The following KIF24 variants were observed in gnomAD, a reference collection of about 807,000 sequenced individuals.
The protein encoded by KIF24 is kinesin family member 24.
In KIF24, 81 loss-of-function variants were observed where a neutral mutation model predicts 118.9. The observed-to-expected ratio is 0.68, with a 90% CI of 0.57 to 0.82. The LOEUF (loss-of-function observed/expected upper bound fraction) is 0.82. Among genes scored for constraint, KIF24 ranks in the 40% least tolerant of loss-of-function variants. The probability of loss-of-function intolerance (pLI) is 0.00; values close to 1 mark genes in which losing one functional copy is unlikely to be tolerated. For missense variants in KIF24, 1,560 were observed against 1,661.6 expected (o/e 0.94, Z 1.06); for synonymous variants, 599 against 610.0 (o/e 0.98, Z 0.27).
rs1378308816 is a variant in KIF24 at position 34,257,241 on chromosome 9, G to T, written c.2366C>A (p.Ser789Tyr). The T allele has an allele frequency of 6.2e-7, 1 of 1,614,048 alleles. No individual in the cohort carries two copies. Among genetic ancestry groups the T allele is most frequent in the Non-Finnish European group, 8.5e-7 (1 of 1,179,900 alleles). The part of the protein sequence containing the change: ...QKLKYQPLKR[S>Y]LRQYRPPEGQ... ...CTCTGGGGGCCTGTACTGGCGTAAA[G>T]ACCTTTTCAGTGGTTGGTATTTTAA... The change falls in exon 11 of 13, where the codon TCT (serine) becomes TAT (tyrosine). Residue 789 changes from serine to tyrosine, a missense_variant. By Grantham distance (144) the Ser-to-Tyr change is moderately radical. This residue lies in a region of KIF24 where 964 missense variants were observed against 988.0 expected (regional missense o/e 0.98). Coordinates refer to ENST00000402558, the MANE Select transcript of KIF24 (RefSeq NM_194313.4).
At chr9:34,295,893 C>T (rs529833673) in intron 4 of KIF24, among the ~76,000 whole-genome samples, 1 of 152,006 alleles carries the variant, frequency 6.6e-6, no homozygotes, top group South Asian at 2.1e-4. Flanking sequence ...ATTCCTGTCC[C>T]ATTCAACGTT....
At chr9:34,301,097 G>A (rs1836689154) in intron 3 of KIF24, among the ~76,000 whole-genome samples, 1 of 152,098 alleles carries the variant, frequency 6.6e-6, no homozygotes, top group Non-Finnish European at 1.5e-5. Context: ...TTTCATGAAA[G>A]ATATGTAAAC....
In KIF24 at chr9:34,306,301, A is replaced by C. The variant is rs774856653; in HGVS notation, c.764T>G (p.Leu255Arg). 6 of 1,611,044 alleles carry C rather than the reference A, an allele frequency of 3.7e-6. No homozygotes were observed. The South Asian group carries it at 6.6e-5, about 18-fold the overall frequency. Reference sequence around the variant, plus strand: ...AACTGCTTCTTTCTTCTCATGCACAAGTAGAGTTTCTTTGTCTTCTACAGT... The same window carrying C: ...AACTGCTTCTTTCTTCTCATGCACACGTAGAGTTTCTTTGTCTTCTACAGT... ...IITVEDKETL[L>R]VHEKKEAVDL... Residue 255 changes from leucine (L) to arginine (R), a missense_variant, in exon 3 of 13, where the codon CTT becomes CGT. By Grantham distance (102) the Leu-to-Arg change is moderately radical. Transcript: ENST00000402558.
In KIF24 at chr9:34,254,582, T is replaced by G. The variant is rs1834746791; in HGVS notation, c.3967-62A>C. 4 of 1,535,432 alleles carry G rather than the reference T, an allele frequency of 2.6e-6. No homozygotes were observed. In the Admixed American group the frequency reaches 5.4e-5, roughly 21 times the overall value. ...CTTGCTGGCGCTCTGCCAGATCTGC[T>G]TTTTCAGTCCCTCCTCTGGCAGGAA... On this transcript the variant is annotated intron_variant, in intron 12 of 12. Coordinates refer to ENST00000402558, the MANE Select transcript of KIF24 (RefSeq NM_194313.4).
At chr9:34,311,643 T>TATATATACGTGTATATAC (rs1333272737) in intron 1 of KIF24, among the ~76,000 whole-genome samples, 1 of 143,752 alleles carries the variant, frequency 7.0e-6, no homozygotes, top group Non-Finnish European at 1.5e-5. Flanking sequence ...TACATATGTG[T>TATATATACGTGTATATAC]ATATATACGT....
At chr9:34,286,033 T>C (rs931426467) in intron 6 of KIF24, among the ~76,000 whole-genome samples, 1 of 151,742 alleles carries the variant, frequency 6.6e-6, no homozygotes, top group Non-Finnish European at 1.5e-5. Context: ...ATTAGCAGCA[T>C]TTGAAACTGG....
upstream of KIF24, among the ~76,000 whole-genome samples, chr9:34,331,472 T>C (rs1351861621): frequency 6.6e-6 from 1 of 152,244 alleles, no homozygotes; most frequent in Admixed American, 6.5e-5. Context: ...TCTGACTGCA[T>C]AGACAGCCAT....
rs553751013 is a variant in KIF24, at chr9:34,270,578, G to A, written c.1338-1216C>T. ...AATTAGCTGGTAGGCTGAGTAGCTGGGACTACAAGTGTGGACCACCATACC... is the reference window on the plus strand; with the variant it reads ...AATTAGCTGGTAGGCTGAGTAGCTGAGACTACAAGTGTGGACCACCATACC... On this transcript the variant is annotated intron_variant, in intron 7 of 12. Coordinates refer to ENST00000402558, the MANE Select transcript of KIF24 (RefSeq NM_194313.4). Among the ~76,000 whole-genome samples the A allele has an allele frequency of 4.6e-4, 68 of 148,810 alleles. 1 individual carries two copies. Among genetic ancestry groups the A allele is most frequent in the African/African-American group, 1.6e-3 (65 of 41,146 alleles).
chr9:34,272,015 G>T, intron 6 of KIF24, 85 bp from the exon 7 acceptor site: 1 of 1,286,910 alleles, frequency 7.8e-7, no homozygotes, highest in Non-Finnish European at 1.1e-6. Context: ...GCAGTAGACA[G>T]CAGACATATA....
rs2131813996 is a variant in KIF24, at chr9:34,311,333, A to G, written c.14T>C (p.Leu5Ser). Reference sequence around the variant, plus strand: ...TTCAGCTTCACAAAGACATTCATATAACCAGGATGCCATTTTGGTGAATAG... The same window carrying G: ...TTCAGCTTCACAAAGACATTCATATGACCAGGATGCCATTTTGGTGAATAG... The part of the protein sequence containing the change: MASW[L>S]YECLCEAELA... Residue 5 changes from leucine to serine, a missense_variant, in exon 2 of 13, where the codon TTA (leucine) becomes TCA (serine). Leu to Ser is a moderately radical substitution (Grantham distance 145, BLOSUM62 -2). This residue lies in a region of KIF24 where 964 missense variants were observed against 988.0 expected (regional missense o/e 0.98). Transcript: ENST00000402558. 6.4e-7 allele frequency: 1 copy of G among 1,568,150 alleles called. No homozygotes were observed. Among genetic ancestry groups the G allele is most frequent in the Admixed American group, 2.0e-5 (1 of 51,268 alleles).
chr9:34,255,012 AT>A, intron 12 of KIF24, 59 bp downstream of exon 12: 1 of 1,170,412 alleles, frequency 8.5e-7, no homozygotes. Context: ...AAGGATGACC[AT>A]CAAATTAGCT....
In KIF24 at chr9:34,257,408, G is replaced by A. The variant is rs1479834048; in HGVS notation, c.2199C>T (p.Tyr733=). The change falls in exon 11 of 13, where the codon TAC becomes TAT. Residue 733 remains tyrosine (Y), a synonymous_variant. Transcript: ENST00000402558. ...SFGNAHHRAE[Y]SQDSQRGTPA... ...GCGTGCCCCTCTGGCTGTCTTGACTGTACTCAGCCCTGTGGTGGGCGTTGC... is the reference window on the plus strand; with the variant it reads ...GCGTGCCCCTCTGGCTGTCTTGACTATACTCAGCCCTGTGGTGGGCGTTGC... 3 of 1,613,960 alleles carry A rather than the reference G, an allele frequency of 1.9e-6. No homozygotes were observed. The highest frequency in any genetic ancestry group is 2.5e-6 in the Non-Finnish European group (3 of 1,179,910).
chr9:34,329,763 C>A (rs1011172558), upstream of KIF24, among the ~76,000 whole-genome samples: 9 of 152,308 alleles, frequency 5.9e-5, no homozygotes, highest in Middle Eastern at 6.8e-3. Flanking sequence ...AGGTCCCATC[C>A]GCTCTCAGGA....
At chr9:34,322,376 C>A (rs1837552660) in intron 1 of KIF24, among the ~76,000 whole-genome samples, 1 of 148,604 alleles carries the variant, frequency 6.7e-6, no homozygotes, top group Non-Finnish European at 1.5e-5. Context: ...ATAATGATCA[C>A]TTTTTTTTTT....
rs976800570 is a variant in KIF24 at position 34,329,197 on chromosome 9, C to A, written c.-117G>T. On this transcript the variant is annotated 5_prime_UTR_variant, in exon 1 of 13. Coordinates refer to ENST00000402558, the MANE Select transcript of KIF24 (RefSeq NM_194313.4). Reference sequence around the variant, plus strand: ...CCCAAAGCCCGCAACCTAACAGTCCCGTCAACCCGGGAGCCACCGGCGGCG... The same window carrying A: ...CCCAAAGCCCGCAACCTAACAGTCCAGTCAACCCGGGAGCCACCGGCGGCG... Among the ~76,000 whole-genome samples, 25 of 152,240 alleles carry A rather than the reference C, an allele frequency of 1.6e-4. No individual in the cohort carries two copies. The highest frequency in any genetic ancestry group is 4.8e-4 in the African/African-American group (20 of 41,462).
At chr9:34,285,868 G>A (rs1836029001) in intron 6 of KIF24, among the ~76,000 whole-genome samples, 1 of 149,524 alleles carries the variant, frequency 6.7e-6, no homozygotes, top group South Asian at 2.1e-4. Context: ...GTGGGAGGCT[G>A]CGGTGAGCTA....
intron 10 of KIF24, among the ~76,000 whole-genome samples, chr9:34,259,139 C>T (rs1412339764): frequency 6.6e-6 from 1 of 152,176 alleles, no homozygotes. Context: ...TTCTCTGGAC[C>T]TCAGTTTATC....
chr9:34,299,827 T>C (rs199992655), intron 3 of KIF24, among the ~76,000 whole-genome samples: 5 of 70,782 alleles, frequency 7.1e-5, no homozygotes, highest in East Asian at 2.2e-4. Context: ...TGTGTGCGTG[T>C]GTGTGTGTGT....
chr9:34,318,337 C>A lies in KIF24; in HGVS notation c.-25-6966G>T. On this transcript the variant is annotated intron_variant, in intron 1 of 12. Transcript: ENST00000402558. The surrounding 1 kb of genome is among the most constrained non-coding windows in gnomAD (Gnocchi z 4.9). ...CGTCTTGGAGCCAGCCCAGCCCAAC[C>A]CAGCCCAACCCAGCTTGACCTAGCC... 1 of 575,492 alleles carries A rather than the reference C, an allele frequency of 1.7e-6. No homozygotes were observed. 35.6% of individuals were successfully genotyped at this position (575,492 alleles called of 1,614,324 possible).
Sources: gnomAD v4.1 joint callset for allele counts (sites outside exome capture counted in the v4.1 genomes callset) on GRCh38, gnomAD v4.1.1 for gene constraint, gnomAD v4.1.1 regional missense constraint, Gnocchi (gnomAD v3.1) non-coding constraint, MANE v1.5 for transcripts, NCBI Gene and HGNC (gene_info 2026-07-23, HGNC 2026-07-21) for gene names.